PRKN: variants seen among roughly 807,000 people sequenced by gnomAD.
The protein encoded by PRKN is E3 ubiquitin-protein ligase parkin.
PRKN carries 56 observed loss-of-function variants against 59.5 expected under a neutral mutation model. That is an observed-to-expected ratio of 0.94 (90% CI 0.76 to 1.18). The LOEUF (loss-of-function observed/expected upper bound fraction) is 1.18. Ranked by LOEUF, PRKN falls within the 50% of genes most tolerant of loss-of-function variation. The pLI is 0.00. For synonymous variants in PRKN, 250 were observed against 222.1 expected, an observed-to-expected ratio of 1.13 and a Z score of -1.12; for missense variants, 657 against 596.4, an observed-to-expected ratio of 1.10 and a Z score of -1.06.
chr6:161,692,389 T>C (rs527237823), intron 7 of PRKN, among the ~76,000 whole-genome samples: 1 of 152,226 alleles, frequency 6.6e-6, no homozygotes, highest in South Asian at 2.1e-4. Flanking sequence ...GAGCACGTCA[T>C]TGCTTTTGGT....
intron 6 of PRKN, among the ~76,000 whole-genome samples, chr6:161,787,602 G>A (rs1790472173): frequency 6.6e-6 from 1 of 152,158 alleles, no homozygotes; most frequent in African/African-American, 2.4e-5. Flanking sequence ...AATTCATGGA[G>A]AAAATATTAG....
chr6:162,266,164 T>G (rs953113424), intron 2 of PRKN, among the ~76,000 whole-genome samples: 1 of 152,168 alleles, frequency 6.6e-6, no homozygotes, highest in African/African-American at 2.4e-5. Flanking sequence ...CTTTCCATGT[T>G]CAGGACTCAG....
At chr6:161,662,403 T>C (rs935498652) in intron 7 of PRKN, among the ~76,000 whole-genome samples, 1 of 151,966 alleles carries the variant, frequency 6.6e-6, no homozygotes, top group African/African-American at 2.4e-5. Flanking sequence ...TTTCGAGGGA[T>C]GGTGGTGGTG....
At chr6:162,144,774 C>T (rs1316208593) in intron 4 of PRKN, among the ~76,000 whole-genome samples, 1 of 152,144 alleles carries the variant, frequency 6.6e-6, no homozygotes, top group Non-Finnish European at 1.5e-5. Context: ...GTTGCTAACC[C>T]TGACTGTAAA....
At chr6:161,905,429 G>C (rs1319059804) in intron 6 of PRKN, among the ~76,000 whole-genome samples, 1 of 152,182 alleles carries the variant, frequency 6.6e-6, no homozygotes, top group Non-Finnish European at 1.5e-5. Context: ...TTCTGGTGTA[G>C]ACTTTTGCTT....
At chr6:161,850,516 C>A (rs9365328) in intron 6 of PRKN, among the ~76,000 whole-genome samples, 65,683 of 144,154 alleles carry the variant, frequency 0.46, 14,925 homozygotes, top group East Asian at 0.75. Context: ...GCAGAGGTTG[C>A]AGTGAGCTGA....
intron 6 of PRKN, among the ~76,000 whole-genome samples, chr6:161,798,863 G>T (rs1204228900): frequency 6.6e-6 from 1 of 152,118 alleles, no homozygotes; most frequent in Non-Finnish European, 1.5e-5. Context: ...GGCTCCCTGG[G>T]TCAGCCTGGG....
rs1306781496 is a variant in PRKN at position 161,874,272 on chromosome 6, A to T, written c.735-88364T>A. Among the ~76,000 whole-genome samples, 87 of 26,570 alleles carry T rather than the reference A, an allele frequency of 3.3e-3. 16 individuals are homozygous for T. Among genetic ancestry groups the T allele is most frequent in the Non-Finnish European group, 4.1e-3 (62 of 14,968 alleles). 17.4% of individuals were successfully genotyped at this position (26,570 alleles called of 152,430 possible). ...AATATATATTATATGTAAAATATAT[A>T]ATATATATTATATATTATATATTAC... On this transcript the variant is annotated intron_variant, in intron 6 of 11. Transcript: ENST00000366898.
Position 161,518,733 on chromosome 6 carries a change from C to T in PRKN, c.1083+30121G>A, listed in dbSNP as rs12203094. 0.16 allele frequency among the ~76,000 whole-genome samples: 24,361 copies of T among 152,248 alleles called. 2,376 individuals carry two copies. Among genetic ancestry groups the T allele is most frequent in the Middle Eastern group, 0.29 (86 of 294 alleles). On this transcript the variant is annotated intron_variant, in intron 9 of 11. Transcript: ENST00000366898. The surrounding 1 kb of genome is among the most constrained non-coding windows in gnomAD (Gnocchi z 5.0). ...CATCCTCCTGCCTGCTGCAGAGGGC[C>T]GGCGGTGTGCCTTGATACTTGGCTA...
intron 1 of PRKN, among the ~76,000 whole-genome samples, chr6:162,635,084 C>T (rs1777657164): frequency 6.6e-6 from 1 of 152,134 alleles, no homozygotes; most frequent in Admixed American, 6.5e-5. Context: ...AACAAAGTAT[C>T]TTTTTACTTG....
At chr6:162,054,549 C>G (rs552458766) in intron 4 of PRKN, among the ~76,000 whole-genome samples, 4 of 152,126 alleles carry the variant, frequency 2.6e-5, no homozygotes, top group African/African-American at 9.7e-5. Flanking sequence ...ACCATCCCCA[C>G]CCAACCCCAC....
At chr6:161,477,510 C>CAAAAAA (rs55713712) in intron 9 of PRKN, among the ~76,000 whole-genome samples, 5 of 124,268 alleles carry the variant, frequency 4.0e-5, no homozygotes, top group African/African-American at 6.0e-5. Context: ...AACTCCATCT[C>CAAAAAA]AAAAAAAAAA....
intron 1 of PRKN, among the ~76,000 whole-genome samples, chr6:162,539,377 C>T (rs1778837229): frequency 6.6e-6 from 1 of 152,006 alleles, no homozygotes; most frequent in Admixed American, 6.6e-5. Flanking sequence ...TGTTCATGTC[C>T]CTGATATGTC....
At chr6:162,679,950 T>TAA (rs1779706864) in intron 1 of PRKN, among the ~76,000 whole-genome samples, 1 of 152,202 alleles carries the variant, frequency 6.6e-6, no homozygotes, top group Admixed American at 6.5e-5. Context: ...TCCCCTACTG[T>TAA]AACTCCCTTG....
intron 7 of PRKN, among the ~76,000 whole-genome samples, chr6:161,682,039 A>G (rs948611281): frequency 2.6e-5 from 4 of 152,214 alleles, no homozygotes; most frequent in African/African-American, 9.6e-5. Context: ...AGGAGAAGAG[A>G]GAGGACAGGG....
intron 2 of PRKN, among the ~76,000 whole-genome samples, chr6:162,373,579 T>A (rs1785885663): frequency 6.6e-6 from 1 of 152,130 alleles, no homozygotes; most frequent in Non-Finnish European, 1.5e-5. Flanking sequence ...TGTTGGGATT[T>A]GGGAAAAAGA....
intron 1 of PRKN, among the ~76,000 whole-genome samples, chr6:162,685,338 A>C (rs1417132831): frequency 6.6e-6 from 1 of 152,216 alleles, no homozygotes; most frequent in Non-Finnish European, 1.5e-5. Context: ...TCTAGTTTTA[A>C]TAAATTTAAC....
At chr6:162,012,687 C>CA (rs1281718154) in intron 5 of PRKN, among the ~76,000 whole-genome samples, 1 of 152,110 alleles carries the variant, frequency 6.6e-6, no homozygotes, top group Non-Finnish European at 1.5e-5. Flanking sequence ...CCAAGCCCCC[C>CA]AAATTGAACC....
At chr6:162,225,314 A>T (rs1394052354) in intron 3 of PRKN, among the ~76,000 whole-genome samples, 8 of 152,132 alleles carry the variant, frequency 5.3e-5, no homozygotes, top group Non-Finnish European at 1.0e-4. Context: ...AGTTCCCACC[A>T]CCTTTAAACC....
Sources: allele counts gnomAD v4.1 joint callset (sites outside exome capture counted in the v4.1 genomes callset), GRCh38; gene constraint gnomAD v4.1.1; non-coding constraint Gnocchi (gnomAD v3.1); transcripts MANE v1.5; gene names NCBI Gene and HGNC (gene_info 2026-07-23, HGNC 2026-07-21).